SLC8B1: variants seen among roughly 807,000 people sequenced by gnomAD.
The protein encoded by SLC8B1 is solute carrier family 8 member B1.
In SLC8B1, 52 loss-of-function variants were observed where a neutral mutation model predicts 63.4. The ratio of observed to expected loss-of-function variants is 0.82; its 90% CI spans 0.66 to 1.03. The LOEUF (loss-of-function observed/expected upper bound fraction) is 1.03, where lower values mean the gene tolerates loss of function less well. SLC8B1 is among the 50% of genes least tolerant of loss of function. SLC8B1 has a pLI of 0.00. For synonymous variants in SLC8B1, 336 were observed against 323.9 expected (o/e 1.04, Z -0.40); for missense variants, 657 against 741.7 (o/e 0.89, Z 1.33).
At chr12:113,303,141 A>ACACACACACACACACACACGCG (rs773636454) in intron 15 of SLC8B1, among the ~76,000 whole-genome samples, 5 of 145,638 alleles carry the variant, frequency 3.4e-5, no homozygotes, top group African/African-American at 1.3e-4. Flanking sequence ...ACACACACAC[A>ACACACACACACACACACACGCG]CGCGCGCGCA....
rs1274932176 is a variant in SLC8B1, at chr12:113,315,393, G to GT, written c.1076dup (p.Asn359LysfsTer25). On this transcript the variant is annotated frameshift_variant, in exon 11 of 16. Transcript: ENST00000680972. LOFTEE classifies it high-confidence loss of function. Reference sequence around the variant, plus strand: ...GGGGGCTGATAACCAGATGCAGACAGTTGAGGGGCCGTTTCCAGTTCTGGT... The same window carrying GT: ...GGGGGCTGATAACCAGATGCAGACAGTTTGAGGGGCCGTTTCCAGTTCTGGT... The GT allele has an allele frequency of 6.3e-7, 1 of 1,574,810 alleles. No individual in the cohort carries two copies. Among genetic ancestry groups the GT allele is most frequent in the Non-Finnish European group, 8.6e-7 (1 of 1,159,884 alleles).
chr12:113,330,092 C>A (rs1196676085), intron 2 of SLC8B1, among the ~76,000 whole-genome samples: 3 of 152,212 alleles, frequency 2.0e-5, no homozygotes, highest in African/African-American at 7.2e-5. Context: ...CAGCACCCCC[C>A]TCCCCCTCAC....
chr12:113,328,688 C>T (rs1170488298), intron 2 of SLC8B1, among the ~76,000 whole-genome samples: 1 of 152,004 alleles, frequency 6.6e-6, no homozygotes, highest in Non-Finnish European at 1.5e-5. Flanking sequence ...GTTCCCAGGA[C>T]ACTTCTTGCA....
chr12:113,327,315 T>C (rs1461132880), intron 2 of SLC8B1, among the ~76,000 whole-genome samples: 1 of 151,868 alleles, frequency 6.6e-6, no homozygotes, highest in Non-Finnish European at 1.5e-5. Flanking sequence ...AAATTCTAAT[T>C]TGCGTCCTTC....
chr12:113,333,748 A>G (rs1486529947), intron 1 of SLC8B1, among the ~76,000 whole-genome samples: 4 of 151,476 alleles, frequency 2.6e-5, no homozygotes, highest in Non-Finnish European at 4.4e-5. Context: ...TCACTCTGTT[A>G]CCCAAGCTGG....
intron 15 of SLC8B1, chr12:113,302,690 ATCC>A (rs1215283636): frequency 3.3e-5 from 15 of 456,146 alleles, no homozygotes; most frequent in Middle Eastern, 3.3e-4. Flanking sequence ...AGCCACCTGC[ATCC>A]TCCTCGTCTC....
intron 2 of SLC8B1, among the ~76,000 whole-genome samples, chr12:113,321,751 T>C (rs1194913543): frequency 6.6e-6 from 1 of 150,694 alleles, no homozygotes; most frequent in Non-Finnish European, 1.5e-5. Context: ...CCATCCCAAA[T>C]CTCTTGTTTC....
chr12:113,304,927 G>A (rs1262654431), intron 14 of SLC8B1, among the ~76,000 whole-genome samples: 1 of 152,116 alleles, frequency 6.6e-6, no homozygotes, highest in Non-Finnish European at 1.5e-5. Flanking sequence ...GAATTTACTT[G>A]GCTTTCTTTA....
At chr12:113,326,141 T>A (rs913650266) in intron 2 of SLC8B1, among the ~76,000 whole-genome samples, 1 of 152,082 alleles carries the variant, frequency 6.6e-6, no homozygotes, top group Non-Finnish European at 1.5e-5. Context: ...GAGACATAAA[T>A]CAAAAGAAGA....
In SLC8B1 at chr12:113,315,372, G is replaced by C. The variant is rs377257713; in HGVS notation, c.1098C>G (p.Ser366Arg). 4 of 1,558,824 alleles carry C rather than the reference G, an allele frequency of 2.6e-6. No homozygotes were observed. Among genetic ancestry groups the C allele is most frequent in the Non-Finnish European group, 3.5e-6 (4 of 1,150,854 alleles). Reference sequence around the variant, plus strand: ...GCAGGGTCAGGACCACAACCAGGGGGCTGATAACCAGATGCAGACAGTTGA... The same window carrying C: ...GCAGGGTCAGGACCACAACCAGGGGCCTGATAACCAGATGCAGACAGTTGA... ...RPLNCLHLVI[S>R]PLVVVLTLQS... The change falls in exon 11 of 16, where the codon AGC becomes AGG. Residue 366 changes from serine (S) to arginine (R), a missense_variant. Transcript: ENST00000680972.
At chr12:113,315,555 CAA>C in intron 10 of SLC8B1, 79 bp from the exon 11 acceptor site, 1 of 1,447,420 alleles carries the variant, frequency 6.9e-7, no homozygotes, top group Non-Finnish European at 9.2e-7. Flanking sequence ...TTCAGTGACT[CAA>C]GAGCTCGGCC....
At chr12:113,331,197 G>A (rs1442853762) in intron 2 of SLC8B1, among the ~76,000 whole-genome samples, 1 of 151,880 alleles carries the variant, frequency 6.6e-6, no homozygotes, top group Non-Finnish European at 1.5e-5. Context: ...TACCAGCCTG[G>A]CCAACATGGT....
At chr12:113,319,402 G>A in intron 7 of SLC8B1, 1 of 243,630 alleles carries the variant, frequency 4.1e-6, no homozygotes, top group Non-Finnish European at 8.2e-6. Flanking sequence ...GCTAGGTTCA[G>A]CCAATGGGAG....
At position 113,299,794 on chromosome 12, in the gene SLC8B1, G is replaced by C; in HGVS notation, c.1738C>G (p.His580Asp). ...VALLTEFGVIHLKSM is the reference protein window; with the variant it reads ...VALLTEFGVIDLKSM ...GGCTTCAGTCACATGCTTTTCAGGT[G>C]AATCACTCCAAATTCAGTGAGGAGG... is the stretch of plus-strand genomic sequence containing the variant. The change falls in exon 16 of 16, where the codon CAC (histidine) becomes GAC (aspartate). Residue 580 changes from histidine to aspartate, a missense_variant. Coordinates refer to ENST00000680972, the MANE Select transcript of SLC8B1 (RefSeq NM_001358345.2). 3 of 1,614,172 alleles carry C rather than the reference G, an allele frequency of 1.9e-6. No individual in the cohort carries two copies. The highest frequency in any genetic ancestry group is 2.5e-6 in the Non-Finnish European group (3 of 1,180,034).
Position 113,320,683 on chromosome 12 carries a change from C to T in SLC8B1, c.424G>A (p.Val142Ile), listed in dbSNP as rs766876050. 2.2e-5 allele frequency: 35 copies of T among 1,613,300 alleles called. No individual in the cohort carries two copies. The highest frequency in any genetic ancestry group is 1.3e-4 in the South Asian group (12 of 90,978). Residue 142 changes from valine to isoleucine, a missense_variant, in exon 6 of 16, where the codon GTC becomes ATC. By Grantham distance (29) the Val-to-Ile change is conservative. Coordinates refer to ENST00000680972, the MANE Select transcript of SLC8B1 (RefSeq NM_001358345.2). This position sits in a 1 kb window ranked among gnomAD's most constrained non-coding sequence, Gnocchi z 5.3. ...TLKLSHNVAG[V>I]TFLAFGNGAP... is the part of the protein sequence containing the mutation. ...CCATTCCCAAATGCCAGGAAGGTGA[C>T]GCCATGTGGGGAGCATGTCAAGGCG...
At chr12:113,328,221 G>A (rs1310807213) in intron 2 of SLC8B1, among the ~76,000 whole-genome samples, 2 of 152,072 alleles carry the variant, frequency 1.3e-5, no homozygotes, top group Non-Finnish European at 2.9e-5. Context: ...TTGAGAAGGG[G>A]TCTCGCCTTG....
In SLC8B1 at chr12:113,320,454, T is replaced by C. The variant is rs1033619538; in HGVS notation, c.571A>G (p.Ile191Val). The change falls in exon 7 of 16, where the codon ATC (isoleucine) becomes GTC (valine). Residue 191 changes from isoleucine to valine, a missense_variant. Ile to Val is a conservative substitution (Grantham distance 29). Coordinates refer to ENST00000680972, the MANE Select transcript of SLC8B1 (RefSeq NM_001358345.2). This position sits in a 1 kb window ranked among gnomAD's most constrained non-coding sequence, Gnocchi z 5.3. ...VTTVVAGGIT[I>V]LHPFMAASRP... is the part of the protein sequence containing the mutation. Reference sequence around the variant, plus strand: ...GAGGCAGCCATGAAGGGGTGTAGGATGGTAATGCCTCCGGCCACCACTGTG... The same window carrying C: ...GAGGCAGCCATGAAGGGGTGTAGGACGGTAATGCCTCCGGCCACCACTGTG... 6.2e-7 allele frequency: 1 copy of C among 1,614,064 alleles called. No individual in the cohort carries two copies.
chr12:113,320,434 A>G lies in SLC8B1; in HGVS notation c.591T>C (p.Ala197=), dbSNP rs926893272. The G allele has an allele frequency of 5.6e-6, 9 of 1,614,202 alleles. No homozygotes were observed. The East Asian group carries it at 2.0e-4, about 36-fold the overall frequency. The change falls in exon 7 of 16, where the codon GCT becomes GCC. Residue 197 remains alanine, a synonymous_variant. Transcript: ENST00000680972. This position sits in a 1 kb window ranked among gnomAD's most constrained non-coding sequence, Gnocchi z 5.3. ...TGTCCCTGAAGAAGGGCCTGGAGGC[A>G]GCCATGAAGGGGTGTAGGATGGTAA... The part of the protein sequence containing the change: ...GGITILHPFM[A]ASRPFFRDIV...
At position 113,319,046 on chromosome 12, in the gene SLC8B1, A is replaced by G. The variant is rs762337795; in HGVS notation, c.720T>C (p.Tyr240=). ...ALGYLGLYVF[Y]VVTVILCTWI... ...AGGTGCAGAGAATCACAGTGACCACATAGAACACATACAAGCCCAGGTAAC... is the reference window on the plus strand; with the variant it reads ...AGGTGCAGAGAATCACAGTGACCACGTAGAACACATACAAGCCCAGGTAAC... Residue 240 remains tyrosine (Y), a synonymous_variant, in exon 8 of 16, where the codon TAT becomes TAC. Transcript: ENST00000680972. 3 of 1,614,058 alleles carry G rather than the reference A, an allele frequency of 1.9e-6. No homozygotes were observed. In the East Asian group the frequency reaches 6.7e-5, roughly 36 times the overall value.
Sources: allele counts gnomAD v4.1 joint callset (sites outside exome capture counted in the v4.1 genomes callset), GRCh38; gene constraint gnomAD v4.1.1; non-coding constraint Gnocchi (gnomAD v3.1); transcripts MANE v1.5; gene names NCBI Gene and HGNC (gene_info 2026-07-23, HGNC 2026-07-21).